The following REPIN1 variants were observed in gnomAD, a reference collection of about 807,000 sequenced individuals.
The protein encoded by REPIN1 is DNA-binding protein REPIN1.
REPIN1 carries 4 observed loss-of-function variants against 5.7 expected under a neutral mutation model. The observed-to-expected ratio is 0.71, with a 90% CI of 0.35 to 1.62. REPIN1 has a LOEUF of 1.62. REPIN1 is among the 40% of genes most tolerant of loss of function. The pLI is 0.05. For missense variants in REPIN1, 854 were observed against 901.0 expected (o/e 0.95, Z 0.67); for synonymous variants, 410 against 386.2 (o/e 1.06, Z -0.72).
chr7:150,371,901 C>G lies in REPIN1; in HGVS notation c.831C>G (p.Pro277=). Residue 277 remains proline (P), a synonymous_variant, in exon 3 of 3, where the codon CCC becomes CCG. Coordinates refer to ENST00000489432, the MANE Select transcript of REPIN1 (RefSeq NM_001099695.2). The stretch of plus-strand genomic sequence containing the variant: ...TGGGGCCCCGGCCCAGGGGCCGCCC[C>G]GCGGTGACCGCCCCCCGGCCCGGTG... ...KALGPRPRGR[P]AVTAPRPGGD... is the part of the protein sequence containing the mutation. 1 of 1,607,278 alleles carries G rather than the reference C, an allele frequency of 6.2e-7. No homozygotes were observed. Among genetic ancestry groups the G allele is most frequent in the African/African-American group, 1.3e-5 (1 of 74,944 alleles).
At chr7:150,368,480 C>A (rs896318271), upstream of REPIN1, among the ~76,000 whole-genome samples, 4 of 152,094 alleles carry the variant, frequency 2.6e-5, no homozygotes, top group Non-Finnish European at 4.4e-5. Flanking sequence ...GCAGCTAAGG[C>A]CGAACACCCC....
At chr7:150,369,240 G>A (rs1229155843) in intron 1 of REPIN1, 5 of 385,498 alleles carry the variant, frequency 1.3e-5, no homozygotes, top group African/African-American at 2.0e-5. Context: ...GCCGCGATGC[G>A]GAAGGGGATT....
Position 150,372,214 on chromosome 7 carries a change from C to T in REPIN1, c.1144C>T (p.Pro382Ser). 1 of 1,581,438 alleles carries T rather than the reference C, an allele frequency of 6.3e-7. No individual in the cohort carries two copies. Among genetic ancestry groups the T allele is most frequent in the Non-Finnish European group, 8.6e-7 (1 of 1,167,450 alleles). ...ATCCGAGGGGTCGGCCCAGGCCGCC[C>T]CCGGCCCGGGGAGCCCCCAGCTGCC... ...KRSEGSAQAA[P>S]GPGSPQLPAG... Residue 382 changes from proline to serine, a missense_variant, in exon 3 of 3, where the codon CCC (proline) becomes TCC (serine). Physicochemically the swap from Pro to Ser is moderately conservative, Grantham distance 74. This residue lies in a region of REPIN1 where 327 missense variants were observed against 307.8 expected (regional missense o/e 1.06). Transcript: ENST00000489432.
At position 150,372,288 on chromosome 7, in the gene REPIN1, G is replaced by A; in HGVS notation, c.1218G>A (p.Leu406=). The change falls in exon 3 of 3, where the codon CTG becomes CTA. Residue 406 remains leucine, a synonymous_variant. Transcript: ENST00000489432. ...CCGAGCCCACCCCGGCGGTACCTCT[G>A]AAACCGGCCCAGGAGCCGCCGCCAG... is the stretch of plus-strand genomic sequence containing the variant. ...SAAEPTPAVP[L]KPAQEPPPGA... 1.3e-6 allele frequency: 2 copies of A among 1,522,080 alleles called. No homozygotes were observed. The highest frequency in any genetic ancestry group is 1.8e-6 in the Non-Finnish European group (2 of 1,141,756). The allele number at this position is 1,522,080 out of a possible 1,614,324, so 94.3% of individuals were successfully genotyped here.
intron 1 of REPIN1, 28 bp from the exon 2 acceptor site, chr7:150,369,643 A>G (rs773784401): frequency 1.9e-6 from 3 of 1,605,554 alleles, no homozygotes; most frequent in Non-Finnish European, 2.6e-6. Context: ...TCAGAGCCTC[A>G]CTTCTGTTTT....
rs1799877572 is a variant in REPIN1, at chr7:150,372,222, G to T, written c.1152G>T (p.Pro384=). ...GGTCGGCCCAGGCCGCCCCCGGCCC[G>T]GGGAGCCCCCAGCTGCCAGCCGGCC... ...SEGSAQAAPG[P]GSPQLPAGPQ... The change falls in exon 3 of 3, where the codon CCG becomes CCT. Residue 384 remains proline (P), a synonymous_variant. Transcript: ENST00000489432. 1 of 1,570,048 alleles carries T rather than the reference G, an allele frequency of 6.4e-7. No individual in the cohort carries two copies. Among genetic ancestry groups the T allele is most frequent in the East Asian group, 2.3e-5 (1 of 43,148 alleles).
In REPIN1 at chr7:150,371,849, C is replaced by G; in HGVS notation, c.779C>G (p.Ala260Gly). 10 of 1,605,916 alleles carry G rather than the reference C, an allele frequency of 6.2e-6. No homozygotes were observed. The highest frequency in any genetic ancestry group is 7.6e-6 in the Non-Finnish European group (9 of 1,176,716). ...VAHKRVHVAE[A>G]LEEAAAKALG... Reference sequence around the variant, plus strand: ...CACAAGCGGGTGCACGTAGCTGAGGCCCTGGAGGAGGCCGCAGCCAAGGCT... The same window carrying G: ...CACAAGCGGGTGCACGTAGCTGAGGGCCTGGAGGAGGCCGCAGCCAAGGCT... The change falls in exon 3 of 3, where the codon GCC becomes GGC. Residue 260 changes from alanine (A) to glycine (G), a missense_variant. Ala to Gly is a moderately conservative substitution (Grantham distance 60, BLOSUM62 0). Transcript: ENST00000489432.
At position 150,371,801 on chromosome 7, in the gene REPIN1, C is replaced by T. The variant is rs1364356314; in HGVS notation, c.731C>T (p.Ala244Val). 1.9e-6 allele frequency: 3 copies of T among 1,610,698 alleles called. No individual in the cohort carries two copies. Among genetic ancestry groups the T allele is most frequent in the South Asian group, 2.2e-5 (2 of 90,738 alleles). Residue 244 changes from alanine (A) to valine (V), a missense_variant, in exon 3 of 3, where the codon GCC becomes GTC. Around this residue, in one of 5 missense-constraint regions of REPIN1, gnomAD observed 409 missense variants for 418.6 expected, o/e 0.98. Coordinates refer to ENST00000489432, the MANE Select transcript of REPIN1 (RefSeq NM_001099695.2). ...TGCGGCAACTGTGGCCGGAGCTTTGCCCAGTGGGACCAGCTAGTTGCCCAC... is the reference window on the plus strand; with the variant it reads ...TGCGGCAACTGTGGCCGGAGCTTTGTCCAGTGGGACCAGCTAGTTGCCCAC... ...FICGNCGRSF[A>V]QWDQLVAHKR...
At position 150,372,525 on chromosome 7, in the gene REPIN1, G is replaced by A. The variant is rs201453200; in HGVS notation, c.1455G>A (p.Glu485=). 152 of 1,557,780 alleles carry A rather than the reference G, an allele frequency of 9.8e-5. No homozygotes were observed. In the East Asian group the frequency reaches 3.3e-3, roughly 34 times the overall value. ...LVAHSRVHSG[E]RPFACEECGR... ...CGCACTCGCGCGTGCACTCCGGCGAGCGGCCCTTCGCCTGCGAGGAGTGCG... is the reference window on the plus strand; with the variant it reads ...CGCACTCGCGCGTGCACTCCGGCGAACGGCCCTTCGCCTGCGAGGAGTGCG... The change falls in exon 3 of 3, where the codon GAG becomes GAA. Residue 485 remains glutamate (E), a synonymous_variant. Transcript: ENST00000489432.
In REPIN1 at chr7:150,372,138, C is replaced by T; in HGVS notation, c.1068C>T (p.Arg356=). Residue 356 remains arginine (R), a synonymous_variant, in exon 3 of 3, where the codon CGC becomes CGT. Transcript: ENST00000489432. The part of the protein sequence containing the change: ...EKPYPCKECG[R]RFRHKPNLLS... ...CCTACCCGTGCAAAGAGTGCGGCCG[C>T]CGCTTCCGGCACAAACCCAACCTGC... 3.7e-6 allele frequency: 6 copies of T among 1,611,674 alleles called. No homozygotes were observed. Among genetic ancestry groups the T allele is most frequent in the Non-Finnish European group, 5.1e-6 (6 of 1,179,372 alleles).
chr7:150,372,080 C>G lies in REPIN1; in HGVS notation c.1010C>G (p.Thr337Ser). 6.2e-7 allele frequency: 1 copy of G among 1,611,562 alleles called. No individual in the cohort carries two copies. The highest frequency in any genetic ancestry group is 8.5e-7 in the Non-Finnish European group (1 of 1,179,440). The change falls in exon 3 of 3, where the codon ACT (threonine) becomes AGT (serine). Residue 337 changes from threonine to serine, a missense_variant. Transcript: ENST00000489432. ...GKRFTNKPYL[T>S]SHRRIHTGEK... ...CGCTTTACCAATAAGCCCTATCTGACTTCGCACCGGCGCATCCACACCGGC... is the reference window on the plus strand; with the variant it reads ...CGCTTTACCAATAAGCCCTATCTGAGTTCGCACCGGCGCATCCACACCGGC...
chr7:150,369,502 C>T (rs1799288120), intron 1 of REPIN1, 169 bp from the exon 2 acceptor site: 2 of 615,710 alleles, frequency 3.2e-6, no homozygotes, highest in South Asian at 1.8e-5. Flanking sequence ...GGGGCACATT[C>T]ATTTATTAAT....
At position 150,372,951 on chromosome 7, in the gene REPIN1, T is replaced by A. The variant is rs752590604; in HGVS notation, c.*6T>A. ...AGAAGAAGCACGATGTCTGAGACGG[T>A]GGGCGGGGCCGTGTTGGCTGAGAGA... On this transcript the variant is annotated 3_prime_UTR_variant, in exon 3 of 3. Transcript: ENST00000489432. The A allele has an allele frequency of 9.3e-6, 15 of 1,608,150 alleles. No individual in the cohort carries two copies. In the African/African-American group the frequency reaches 2.0e-4, roughly 21 times the overall value.
In REPIN1 at chr7:150,369,796, C is replaced by A; in HGVS notation, c.85C>A (p.Arg29Ser). Residue 29 changes from arginine to serine, a missense_variant, in exon 2 of 3, where the codon CGC becomes AGC. By Grantham distance (110) the Arg-to-Ser change is moderately radical. Coordinates refer to ENST00000489432, the MANE Select transcript of REPIN1 (RefSeq NM_001099695.2). ...RSVGRSRRCS[R>S]GSIPRNIPKR... is the part of the protein sequence containing the mutation. ...TGTGGGCCGAAGCAGGCGCTGCAGC[C>A]GCGGAAGTATCCCCAGGAACATCCC... The A allele has an allele frequency of 6.2e-7, 1 of 1,613,854 alleles. No individual in the cohort carries two copies. Among genetic ancestry groups the A allele is most frequent in the Non-Finnish European group, 8.5e-7 (1 of 1,179,752 alleles).
At chr7:150,369,621 C>T in intron 1 of REPIN1, 50 bp from the exon 2 acceptor site, 2 of 1,550,192 alleles carry the variant, frequency 1.3e-6, no homozygotes, top group South Asian at 1.1e-5. Flanking sequence ...AAGCTGACTG[C>T]CCTAGAGGAG....
Position 150,372,216 on chromosome 7 carries a change from C to T in REPIN1, c.1146C>T (p.Pro382=), listed in dbSNP as rs759685877. 1.3e-6 allele frequency: 2 copies of T among 1,576,986 alleles called. No individual in the cohort carries two copies. Among genetic ancestry groups the T allele is most frequent in the South Asian group, 2.3e-5 (2 of 88,150 alleles). Residue 382 remains proline (P), a synonymous_variant, in exon 3 of 3, where the codon CCC becomes CCT. Transcript: ENST00000489432. ...CCGAGGGGTCGGCCCAGGCCGCCCC[C>T]GGCCCGGGGAGCCCCCAGCTGCCAG... ...KRSEGSAQAA[P]GPGSPQLPAG... is the part of the protein sequence containing the mutation.
chr7:150,369,293 A>C (rs1442882127), intron 1 of REPIN1: 7 of 417,382 alleles, frequency 1.7e-5, no homozygotes, highest in African/African-American at 1.2e-4. Flanking sequence ...GCGCAGCCCC[A>C]TGGGAAATAG....
chr7:150,372,953 G>T lies in REPIN1; in HGVS notation c.*8G>T. ...AAGAAGCACGATGTCTGAGACGGTGGGCGGGGCCGTGTTGGCTGAGAGAGG... is the reference window on the plus strand; with the variant it reads ...AAGAAGCACGATGTCTGAGACGGTGTGCGGGGCCGTGTTGGCTGAGAGAGG... On this transcript the variant is annotated 3_prime_UTR_variant, in exon 3 of 3. Coordinates refer to ENST00000489432, the MANE Select transcript of REPIN1 (RefSeq NM_001099695.2). The T allele has an allele frequency of 6.2e-7, 1 of 1,606,992 alleles. No individual in the cohort carries two copies. The highest frequency in any genetic ancestry group is 1.1e-5 in the South Asian group (1 of 90,058).
rs1800146157 is a variant in REPIN1 at position 150,373,689 on chromosome 7, C to G, written c.*744C>G. ...CCAGGCTCTTGTCTGAACACCGCAGCCCCTCCTTCGCTCCTTCCAGAGCTC... is the reference window on the plus strand; with the variant it reads ...CCAGGCTCTTGTCTGAACACCGCAGGCCCTCCTTCGCTCCTTCCAGAGCTC... On this transcript the variant is annotated 3_prime_UTR_variant, in exon 3 of 3. Transcript: ENST00000489432. 1 of 167,206 alleles carries G rather than the reference C, an allele frequency of 6.0e-6. No individual in the cohort carries two copies. The highest frequency in any genetic ancestry group is 1.5e-5 in the Non-Finnish European group (1 of 68,220). 10.4% of individuals were successfully genotyped at this position (167,206 alleles called of 1,614,324 possible). A position where few individuals can be genotyped will look rare whatever the true frequency, so the allele number is the denominator to read the frequency against.
Sources: allele counts gnomAD v4.1 joint callset (sites outside exome capture counted in the v4.1 genomes callset), GRCh38; gene constraint gnomAD v4.1.1; regional missense constraint gnomAD v4.1.1; transcripts MANE v1.5; gene names NCBI Gene and HGNC (gene_info 2026-07-23, HGNC 2026-07-21).